The following OGDHL variants were observed in gnomAD, a reference collection of about 807,000 sequenced individuals.
OGDHL encodes 2-oxoglutarate dehydrogenase-like, mitochondrial.
OGDHL carries 79 observed loss-of-function variants against 109.6 expected under a neutral mutation model. That is an observed-to-expected ratio of 0.72 (90% CI 0.60 to 0.87). OGDHL has a LOEUF of 0.87. Among genes scored for constraint, OGDHL ranks in the 40% least tolerant of loss-of-function variants. The pLI is 0.00. For synonymous variants in OGDHL, 528 were observed against 537.2 expected, an observed-to-expected ratio of 0.98 and a Z score of 0.24; for missense variants, 1,275 against 1,362.2, an observed-to-expected ratio of 0.94 and a Z score of 1.01.
intron 1 of OGDHL, among the ~76,000 whole-genome samples, chr10:49,759,294 G>C (rs1843119738): frequency 6.6e-6 from 1 of 152,062 alleles, no homozygotes; most frequent in Admixed American, 6.5e-5. Context: ...CTAAGGTCTG[G>C]AGGGGCAGGA....
intron 20 of OGDHL, 75 bp from the exon 21 acceptor site, chr10:49,736,595 C>A (rs1028616760): frequency 4.7e-6 from 7 of 1,494,560 alleles, no homozygotes; most frequent in Non-Finnish European, 6.3e-6. Flanking sequence ...AGGCCTGCAT[C>A]CCCAGGCTCT....
Position 49,735,082 on chromosome 10 carries a change from G to T in OGDHL, c.*146C>A. The T allele has an allele frequency of 2.0e-6, 2 of 996,590 alleles. No individual in the cohort carries two copies. Among genetic ancestry groups the T allele is most frequent in the East Asian group, 2.5e-5 (1 of 40,282 alleles). The allele number at this position is 996,590 out of a possible 1,614,324, so 61.7% of individuals were successfully genotyped here. A position where few individuals can be genotyped will look rare whatever the true frequency, so the allele number is the denominator to read the frequency against. On this transcript the variant is annotated 3_prime_UTR_variant, in exon 23 of 23. Transcript: ENST00000374103. Reference sequence around the variant, plus strand: ...CTGGCATGACACCAAGGCCAGCAGTGCTGGCTCTTGGCCCTGTCACTGTGT... The same window carrying T: ...CTGGCATGACACCAAGGCCAGCAGTTCTGGCTCTTGGCCCTGTCACTGTGT...
rs1169676421 is a variant in OGDHL, at chr10:49,742,860, G to A, written c.1980C>T (p.Leu660=). The change falls in exon 15 of 23, where the codon CTC becomes CTT. Residue 660 remains leucine, a synonymous_variant. Coordinates refer to ENST00000374103, the MANE Select transcript of OGDHL (RefSeq NM_018245.3). ...SLLKEGIHVR[L]SGQDVERGTF... ...TGCCCCTCTCCACATCCTGCCCGCT[G>A]AGCCGCACGTGGATGCCTTCCTTCA... is the stretch of plus-strand genomic sequence containing the variant. The A allele has an allele frequency of 6.2e-7, 1 of 1,613,658 alleles. No individual in the cohort carries two copies. The highest frequency in any genetic ancestry group is 1.3e-5 in the African/African-American group (1 of 74,932).
intron 1 of OGDHL, among the ~76,000 whole-genome samples, chr10:49,759,472 T>C (rs1843133396): frequency 6.6e-6 from 1 of 152,044 alleles, no homozygotes; most frequent in African/African-American, 2.4e-5. Flanking sequence ...TATCTAAATC[T>C]TGGGCTTTCA....
At chr10:49,758,203 C>T (rs1385705886) in intron 2 of OGDHL, among the ~76,000 whole-genome samples, 186 bp downstream of exon 2, 1 of 152,208 alleles carries the variant, frequency 6.6e-6, no homozygotes, top group Admixed American at 6.5e-5. Flanking sequence ...CAATCAAAAC[C>T]ACCACCCACT....
chr10:49,758,380 G>A lies in OGDHL; in HGVS notation c.204+9C>T, dbSNP rs575517442. 3 of 1,602,708 alleles carry A rather than the reference G, an allele frequency of 1.9e-6. No individual in the cohort carries two copies. The highest frequency in any genetic ancestry group is 4.5e-5 in the East Asian group (2 of 44,710). ...TTGCGGTGGCCCAGGGTAGGGTGGG[G>A]ATGCTGACCTTGTGGACACTCTGGG... On this transcript the variant is annotated intron_variant, in intron 2 of 22. Coordinates refer to ENST00000374103, the MANE Select transcript of OGDHL (RefSeq NM_018245.3).
chr10:49,739,401 GTT>G (rs1356856016), intron 17 of OGDHL: 18 of 446,030 alleles, frequency 4.0e-5, no homozygotes, highest in Admixed American at 3.1e-4. Flanking sequence ...GATTGGAAGA[GTT>G]AACATTCAGA....
rs1489124201 is a variant in OGDHL at position 49,745,936 on chromosome 10, T to C, written c.1338A>G (p.Pro446=). 4 of 1,614,214 alleles carry C rather than the reference T, an allele frequency of 2.5e-6. No individual in the cohort carries two copies. The highest frequency in any genetic ancestry group is 3.4e-6 in the Non-Finnish European group (4 of 1,180,034). ...CCACCCGGGCCACGTCGGTCGGGTA[T>C]GGTGAGGAGCGGGCCATTCGGGGGT... ...TTDPRMARSS[P]YPTDVARVVN... The change falls in exon 11 of 23, where the codon CCA becomes CCG. Residue 446 remains proline, a synonymous_variant. Transcript: ENST00000374103.
At chr10:49,743,653 G>GCGTTCCAGGCTT (rs901485061) in intron 14 of OGDHL, 3 of 200,694 alleles carry the variant, frequency 1.5e-5, no homozygotes, top group African/African-American at 7.0e-5. Flanking sequence ...GTTCCAGGCT[G>GCGTTCCAGGCTT]CGTTCCAGCC....
chr10:49,757,111 T>C (rs901739332), intron 2 of OGDHL, among the ~76,000 whole-genome samples, 165 bp from the exon 3 acceptor site: 4 of 152,242 alleles, frequency 2.6e-5, no homozygotes, highest in African/African-American at 9.6e-5. Context: ...CCTGCAGAAC[T>C]GTTTACAAAA....
chr10:49,738,258 G>A lies in OGDHL; in HGVS notation c.2324C>T (p.Pro775Leu), dbSNP rs760606061. 1.2e-6 allele frequency: 2 copies of A among 1,612,772 alleles called. No homozygotes were observed. Among genetic ancestry groups the A allele is most frequent in the South Asian group, 1.1e-5 (1 of 91,002 alleles). ...TTCGGGCCTCGCTGACGAGTGCTCT[G>A]GGCCCTGAAAGCAAACGCCAGACAG... is the stretch of plus-strand genomic sequence containing the variant. ...LLPHGMEGMG[P>L]EHSSARPERF... The change falls in exon 18 of 23, where the codon CCA (proline) becomes CTA (leucine). Residue 775 changes from proline to leucine, a missense_variant. Coordinates refer to ENST00000374103, the MANE Select transcript of OGDHL (RefSeq NM_018245.3).
intron 8 of OGDHL, among the ~76,000 whole-genome samples, chr10:49,748,216 G>A (rs1471623954): frequency 2.6e-5 from 4 of 152,226 alleles, no homozygotes; most frequent in Non-Finnish European, 5.9e-5. Context: ...CAGCACAAGG[G>A]ATGCTTTAGC....
chr10:49,754,539 G>A (rs568257245), intron 3 of OGDHL, among the ~76,000 whole-genome samples: 1 of 152,256 alleles, frequency 6.6e-6, no homozygotes, highest in South Asian at 2.1e-4. Flanking sequence ...TGGGACTTCA[G>A]TTAATAAAGA....
intron 1 of OGDHL, among the ~76,000 whole-genome samples, chr10:49,759,768 G>A (rs1843153850): frequency 6.6e-6 from 1 of 152,182 alleles, no homozygotes; most frequent in Admixed American, 6.5e-5. Context: ...CTCCTGCCCA[G>A]ACCGCCCAGC....
In OGDHL at chr10:49,735,459, G is replaced by A. The variant is rs1240098160; in HGVS notation, c.2910-108C>T. The A allele has an allele frequency of 8.9e-6, 12 of 1,342,860 alleles. No homozygotes were observed. In the Admixed American group the frequency reaches 1.3e-4, roughly 15 times the overall value. 83.2% of individuals were successfully genotyped at this position (1,342,860 alleles called of 1,614,324 possible). On this transcript the variant is annotated intron_variant, in intron 22 of 22. Transcript: ENST00000374103. ...CACGCATCTGAGAACCGCTGACCTC[G>A]AAGCCATAGACCCTGCCTTTTGGCC... is the stretch of plus-strand genomic sequence containing the variant.
rs774925761 is a variant in OGDHL at position 49,750,754 on chromosome 10, C to A, written c.896+85G>T. On this transcript the variant is annotated intron_variant, in intron 7 of 22. Transcript: ENST00000374103. The stretch of plus-strand genomic sequence containing the variant: ...TACCCCCAGGTCCCACCAACACCTC[C>A]GCTCTGATTTCCATCTCATCTCTCC... The A allele has an allele frequency of 7.5e-6, 11 of 1,470,296 alleles. No individual in the cohort carries two copies. In the Admixed American group the frequency reaches 1.1e-4, roughly 14 times the overall value. The allele number at this position is 1,470,296 out of a possible 1,614,324, so 91.1% of individuals were successfully genotyped here.
At chr10:49,735,798 T>C (rs983074633) in intron 22 of OGDHL, among the ~76,000 whole-genome samples, 2 of 152,212 alleles carry the variant, frequency 1.3e-5, no homozygotes, top group Admixed American at 1.3e-4. Context: ...AAGGACTACA[T>C]AACCGGCCTA....
intron 1 of OGDHL, 66 bp from the exon 2 acceptor site, chr10:49,758,659 C>T (rs1256663734): frequency 6.7e-7 from 1 of 1,497,414 alleles, no homozygotes; most frequent in South Asian, 1.2e-5. Flanking sequence ...CTCTACCAAG[C>T]CACTGTCCGC....
chr10:49,738,367 A>T, intron 17 of OGDHL, 105 bp from the exon 18 acceptor site: 3 of 1,164,108 alleles, frequency 2.6e-6, no homozygotes, highest in Non-Finnish European at 3.8e-6. Flanking sequence ...GCTTCTCAGC[A>T]GAGGTGCCCT....
Sources: allele counts gnomAD v4.1 joint callset (sites outside exome capture counted in the v4.1 genomes callset), GRCh38; gene constraint gnomAD v4.1.1; transcripts MANE v1.5; gene names NCBI Gene and HGNC (gene_info 2026-07-23, HGNC 2026-07-21).